Variants in ESRRB observed in about 807,000 individuals in gnomAD.
ESRRB encodes estrogen related receptor beta, also known as steroid hormone receptor ERR2.
In ESRRB, 16 loss-of-function variants were observed where a neutral mutation model predicts 46.0. The ratio of observed to expected loss-of-function variants is 0.35; its 90% CI spans 0.24 to 0.53. ESRRB has a LOEUF of 0.53. Ranked by LOEUF, ESRRB falls within the 20% of genes least tolerant of loss-of-function variation. ESRRB has a pLI of 0.93. For missense variants in ESRRB, 488 were observed against 607.4 expected, an observed-to-expected ratio of 0.80 and a Z score of 2.07; for synonymous variants, 246 against 259.6, an observed-to-expected ratio of 0.95 and a Z score of 0.50.
chr14:76,436,488 G>A (rs1887679689), intron 1 of ESRRB, among the ~76,000 whole-genome samples: 1 of 152,202 alleles, frequency 6.6e-6, no homozygotes, highest in Non-Finnish European at 1.5e-5. Context: ...GTGTTGCTCA[G>A]CAGGGTTTTT....
At chr14:76,422,175 C>T (rs528433973) in intron 1 of ESRRB, among the ~76,000 whole-genome samples, 306 of 150,708 alleles carry the variant, frequency 2.0e-3, no homozygotes, top group African/African-American at 3.2e-3. Context: ...AATGTGGGCA[C>T]GCACACGCAC....
At chr14:76,428,868 G>T (rs570150535) in intron 1 of ESRRB, among the ~76,000 whole-genome samples, 36 of 152,148 alleles carry the variant, frequency 2.4e-4, no homozygotes, top group Non-Finnish European at 3.1e-4. Flanking sequence ...AGTTGTCGGG[G>T]ATCAGCCTGG....
rs1555399039 is a variant in ESRRB, at chr14:76,452,632, C to CAAAAAAA, written c.461-9909_461-9908insAAAAAAA. On this transcript the variant is annotated intron_variant, in intron 2 of 6. Coordinates refer to ENST00000644823, the MANE Select transcript of ESRRB (RefSeq NM_001379180.1). ...GAGACTCTGTCTCCAAAAAAAAAAACAAAACAAAAACAAAACAAAACAAAA... is the reference window on the plus strand; with the variant it reads ...GAGACTCTGTCTCCAAAAAAAAAAACAAAAAAAAAAACAAAAACAAAACAAAACAAAA... Among the ~76,000 whole-genome samples, 197 of 57,140 alleles carry CAAAAAAA rather than the reference C, an allele frequency of 3.4e-3. 5 individuals carry two copies. Among genetic ancestry groups the CAAAAAAA allele is most frequent in the African/African-American group, 9.9e-3 (189 of 19,132 alleles). 37.5% of individuals were successfully genotyped at this position (57,140 alleles called of 152,430 possible). A position where few individuals can be genotyped will look rare whatever the true frequency, so the allele number is the denominator to read the frequency against.
intron 1 of ESRRB, among the ~76,000 whole-genome samples, chr14:76,419,460 G>A (rs1040401839): frequency 3.9e-5 from 6 of 152,090 alleles, no homozygotes; most frequent in South Asian, 2.1e-4. Context: ...TTATCCTGGG[G>A]GTGAGAATAT....
intron 6 of ESRRB, among the ~76,000 whole-genome samples, chr14:76,493,343 C>T (rs1010330444): frequency 2.6e-5 from 4 of 152,000 alleles, no homozygotes; most frequent in African/African-American, 4.8e-5. Context: ...TTAGTAGAGA[C>T]GGGGTTTCGC....
At chr14:76,381,943 G>T (rs1255459544) in intron 1 of ESRRB, among the ~76,000 whole-genome samples, 1 of 152,172 alleles carries the variant, frequency 6.6e-6, no homozygotes, top group East Asian at 1.9e-4. Flanking sequence ...GAGTGTACTT[G>T]TATTTGCCTC....
At position 76,436,374 on chromosome 14, in the gene ESRRB, C is replaced by T. The variant is rs28470252; in HGVS notation, c.51-2967C>T. Among the ~76,000 whole-genome samples the T allele has an allele frequency of 2.9e-3, 448 of 152,312 alleles. 1 individual carries two copies. The highest frequency in any genetic ancestry group is 0.01 in the African/African-American group (424 of 41,566). ...ACAGAGTACTTGGTCACTACATCAT[C>T]GCTGCTGTAATTACTGTTTATGTCA... On this transcript the variant is annotated intron_variant, in intron 1 of 6. Transcript: ENST00000644823.
chr14:76,473,262 A>G (rs190544998), intron 3 of ESRRB, among the ~76,000 whole-genome samples: 360 of 152,360 alleles, frequency 2.4e-3, no homozygotes, highest in Non-Finnish European at 3.9e-3. Flanking sequence ...AGATACGGGT[A>G]TGAAATAGAT....
At chr14:76,421,515 C>CT (rs1886953454) in intron 1 of ESRRB, among the ~76,000 whole-genome samples, 1 of 152,194 alleles carries the variant, frequency 6.6e-6, no homozygotes. Flanking sequence ...ATTTGTGTCT[C>CT]TTTTTCTTCC....
intron 1 of ESRRB, among the ~76,000 whole-genome samples, chr14:76,418,097 A>G (rs1315718736): frequency 6.6e-6 from 1 of 151,900 alleles, no homozygotes; most frequent in Non-Finnish European, 1.5e-5. Context: ...CTGGGATTAC[A>G]GACGCCCGCC....
At chr14:76,464,828 A>C (rs574019132) in intron 3 of ESRRB, among the ~76,000 whole-genome samples, 8 of 152,246 alleles carry the variant, frequency 5.3e-5, no homozygotes, top group African/African-American at 1.7e-4. Flanking sequence ...TGGTATTCAC[A>C]GATGGGAAAA....
chr14:76,390,649 C>G (rs1885429904), intron 1 of ESRRB, among the ~76,000 whole-genome samples: 1 of 152,136 alleles, frequency 6.6e-6, no homozygotes, highest in Admixed American at 6.5e-5. Flanking sequence ...GATGACGTGC[C>G]AGGTAGAGGA....
intron 1 of ESRRB, among the ~76,000 whole-genome samples, chr14:76,324,801 A>G (rs2885129): frequency 0.28 from 42,812 of 151,852 alleles, 6,322 homozygotes; most frequent in East Asian, 0.37. Flanking sequence ...TTCTAAGGAC[A>G]GCAGCTTCCC....
chr14:76,484,823 T>A (rs1030217670), intron 5 of ESRRB, among the ~76,000 whole-genome samples: 1 of 152,248 alleles, frequency 6.6e-6, no homozygotes, highest in Non-Finnish European at 1.5e-5. Flanking sequence ...ACTGGCCTTA[T>A]GCAAGATACT....
intron 5 of ESRRB, among the ~76,000 whole-genome samples, chr14:76,486,325 G>A (rs1041121097): frequency 6.6e-6 from 1 of 152,148 alleles, no homozygotes; most frequent in Non-Finnish European, 1.5e-5. Context: ...AGGCTCCCAT[G>A]TGCAGGGCAT....
At chr14:76,427,793 G>A (rs1461720432) in intron 1 of ESRRB, among the ~76,000 whole-genome samples, 1 of 152,032 alleles carries the variant, frequency 6.6e-6, no homozygotes, top group Non-Finnish European at 1.5e-5. Flanking sequence ...TGAATACTAC[G>A]ATGAATACTA....
intron 1 of ESRRB, among the ~76,000 whole-genome samples, chr14:76,393,173 C>A (rs1885535190): frequency 6.6e-6 from 1 of 152,200 alleles, no homozygotes; most frequent in African/African-American, 2.4e-5. Context: ...TCTTTGACCA[C>A]CCAGCTCCAT....
At chr14:76,449,148 T>A (rs1255319159) in intron 2 of ESRRB, among the ~76,000 whole-genome samples, 1 of 152,208 alleles carries the variant, frequency 6.6e-6, no homozygotes, top group Non-Finnish European at 1.5e-5. Context: ...CTTTTTTTAT[T>A]TGTGTTGACT....
intron 1 of ESRRB, among the ~76,000 whole-genome samples, chr14:76,340,380 C>T (rs1307882340): frequency 1.3e-5 from 2 of 152,222 alleles, no homozygotes; most frequent in Non-Finnish European, 2.9e-5. Context: ...TTTCTTTTTA[C>T]TCAGAGTTTT....
Sources: gnomAD v4.1 joint callset for allele counts (sites outside exome capture counted in the v4.1 genomes callset) on GRCh38, gnomAD v4.1.1 for gene constraint, MANE v1.5 for transcripts, NCBI Gene and HGNC (gene_info 2026-07-23, HGNC 2026-07-21) for gene names.